The following XKR6 variants were observed in gnomAD, a reference collection of about 807,000 sequenced individuals.
The protein encoded by XKR6 is XK related 6, also known as XK-related protein 6.
In XKR6, 22 loss-of-function variants were observed where a neutral mutation model predicts 56.7. That is an observed-to-expected ratio of 0.39 (90% CI 0.28 to 0.55). The LOEUF is 0.55. Ranked by LOEUF, XKR6 falls within the 20% of genes least tolerant of loss-of-function variation. The pLI is 0.66. For missense variants in XKR6, 852 were observed against 889.0 expected (o/e 0.96, Z 0.53); for synonymous variants, 524 against 387.8 (o/e 1.35, Z -4.13).
rs1053168588 is a variant in XKR6, at chr8:10,968,421, G to T, written c.765-43591C>A. Among the ~76,000 whole-genome samples, 7 of 152,344 alleles carry T rather than the reference G, an allele frequency of 4.6e-5. No homozygotes were observed. In the South Asian group the frequency reaches 1.4e-3, roughly 32 times the overall value. On this transcript the variant is annotated intron_variant, in intron 1 of 2. Transcript: ENST00000416569. ...ACTGGAATCTTCCATTTCCCTCCAG[G>T]TGCTCTCCCCAGCTTTGTGCCCTCA...
At chr8:10,989,581 A>G (rs1442240931) in intron 1 of XKR6, among the ~76,000 whole-genome samples, 3 of 151,512 alleles carry the variant, frequency 2.0e-5, no homozygotes, top group African/African-American at 7.3e-5. Flanking sequence ...CTGGGTTTCA[A>G]CTGATGAACA....
intron 2 of XKR6, among the ~76,000 whole-genome samples, chr8:10,918,812 C>T (rs1800633937): frequency 6.6e-6 from 1 of 152,178 alleles, no homozygotes; most frequent in Non-Finnish European, 1.5e-5. Context: ...CTTTCTATTA[C>T]CACCCCCAGT....
At chr8:10,922,442 G>C (rs1266682630) in intron 2 of XKR6, among the ~76,000 whole-genome samples, 1 of 152,220 alleles carries the variant, frequency 6.6e-6, no homozygotes, top group African/African-American at 2.4e-5. Context: ...CTGCTACCCA[G>C]GCTCAGTGCT....
intron 1 of XKR6, among the ~76,000 whole-genome samples, chr8:11,135,089 G>C (rs1172932135): frequency 1.3e-5 from 2 of 149,500 alleles, no homozygotes; most frequent in Non-Finnish European, 2.9e-5. Flanking sequence ...CTGAAGTGCA[G>C]TGGCACGATC....
chr8:11,178,722 A>C (rs1213316736), intron 1 of XKR6, among the ~76,000 whole-genome samples: 2 of 149,928 alleles, frequency 1.3e-5, no homozygotes, highest in Non-Finnish European at 3.0e-5. Flanking sequence ...GAAAGATTGG[A>C]TCAAACAGAA....
chr8:10,919,768 A>T (rs1800660582), intron 2 of XKR6, among the ~76,000 whole-genome samples: 1 of 152,146 alleles, frequency 6.6e-6, no homozygotes, highest in Non-Finnish European at 1.5e-5. Context: ...CCAGAACAGG[A>T]GCGGAGCCTT....
At chr8:11,150,464 C>T (rs925071732) in intron 1 of XKR6, among the ~76,000 whole-genome samples, 2 of 152,146 alleles carry the variant, frequency 1.3e-5, no homozygotes, top group Non-Finnish European at 2.9e-5. Flanking sequence ...TCCCCTTCCC[C>T]CCGGGGTTCT....
At chr8:11,153,143 G>A (rs539426387) in intron 1 of XKR6, among the ~76,000 whole-genome samples, 1 of 152,140 alleles carries the variant, frequency 6.6e-6, no homozygotes, top group Non-Finnish European at 1.5e-5. Flanking sequence ...TGAAGAAACT[G>A]AGCCTATATA....
intron 1 of XKR6, among the ~76,000 whole-genome samples, chr8:10,934,747 G>A (rs1203151203): frequency 1.4e-5 from 2 of 144,990 alleles, no homozygotes; most frequent in Non-Finnish European, 3.0e-5. Context: ...CAGGGATGAA[G>A]CCCACTTGAT....
chr8:10,972,007 C>A (rs892772460), intron 1 of XKR6, among the ~76,000 whole-genome samples: 7 of 152,236 alleles, frequency 4.6e-5, no homozygotes, highest in Non-Finnish European at 8.8e-5. Context: ...ATCAATCCCA[C>A]TGGACCCTAG....
chr8:11,162,962 C>G (rs112610813), intron 1 of XKR6, among the ~76,000 whole-genome samples: 2 of 152,122 alleles, frequency 1.3e-5, no homozygotes, highest in African/African-American at 4.8e-5. Context: ...CGTTTTGGAC[C>G]ATGAGCCTGC....
chr8:11,114,509 C>G (rs940326544), intron 1 of XKR6, among the ~76,000 whole-genome samples: 2 of 152,054 alleles, frequency 1.3e-5, no homozygotes, highest in African/African-American at 2.4e-5. Flanking sequence ...TTACAGGTGC[C>G]CACCACCATG....
intron 1 of XKR6, among the ~76,000 whole-genome samples, chr8:11,154,241 G>C (rs1801398844): frequency 6.6e-6 from 1 of 152,212 alleles, no homozygotes; most frequent in Non-Finnish European, 1.5e-5. Flanking sequence ...CATGGTGACG[G>C]AGTTCAACTT....
intron 1 of XKR6, among the ~76,000 whole-genome samples, chr8:11,139,997 G>A (rs1486888103): frequency 2.6e-5 from 4 of 152,072 alleles, no homozygotes; most frequent in South Asian, 2.1e-4. Flanking sequence ...TTCAAAAAGC[G>A]GGCAAATCTC....
intron 1 of XKR6, among the ~76,000 whole-genome samples, chr8:11,164,920 T>A (rs983125485): frequency 1.3e-5 from 2 of 152,106 alleles, no homozygotes; most frequent in African/African-American, 4.8e-5. Flanking sequence ...TCATCCCACC[T>A]GCCTACCTTC....
At chr8:10,965,184 T>G (rs1200319818) in intron 1 of XKR6, among the ~76,000 whole-genome samples, 1 of 152,192 alleles carries the variant, frequency 6.6e-6, no homozygotes, top group Non-Finnish European at 1.5e-5. Context: ...CACACGTCCT[T>G]CTTAAGTCCT....
At chr8:10,964,155 C>T (rs1182377639) in intron 1 of XKR6, among the ~76,000 whole-genome samples, 3 of 152,168 alleles carry the variant, frequency 2.0e-5, no homozygotes, top group Admixed American at 1.3e-4. Context: ...CTCCCCTGAC[C>T]TACCTCCCCA....
chr8:10,961,609 C>T (rs1266280549), intron 1 of XKR6, among the ~76,000 whole-genome samples: 1 of 152,230 alleles, frequency 6.6e-6, no homozygotes, highest in African/African-American at 2.4e-5. Context: ...TGTGGTCCCA[C>T]CCACATGGGT....
chr8:11,083,276 G>A (rs899471404), intron 1 of XKR6, among the ~76,000 whole-genome samples: 4 of 152,174 alleles, frequency 2.6e-5, no homozygotes, highest in Non-Finnish European at 5.9e-5. Flanking sequence ...AGGCCTTACA[G>A]GAGTGAGGAA....
Sources: allele counts gnomAD v4.1 joint callset (sites outside exome capture counted in the v4.1 genomes callset), GRCh38; gene constraint gnomAD v4.1.1; transcripts MANE v1.5; gene names NCBI Gene and HGNC (gene_info 2026-07-23, HGNC 2026-07-21).